HDAC1: variants seen among roughly 807,000 people sequenced by gnomAD.
HDAC1 encodes protein deacetylase HDAC1.
A neutral mutation model predicts 65.5 loss-of-function variants in HDAC1; 18 were observed. That is an observed-to-expected ratio of 0.27 (90% CI 0.19 to 0.41). The LOEUF is 0.41. HDAC1 is among the 10% of genes least tolerant of loss of function. The probability of loss-of-function intolerance (pLI) is 1.00; values close to 1 mark genes in which losing one functional copy is unlikely to be tolerated. For synonymous variants in HDAC1, 211 were observed against 227.9 expected (o/e 0.93, Z 0.67); for missense variants, 373 against 625.2 (o/e 0.60, Z 4.30).
chr1:32,333,097 A>C lies in HDAC1; in HGVS notation c.*53A>C. On this transcript the variant is annotated 3_prime_UTR_variant, in exon 14 of 14. Coordinates refer to ENST00000373548, the MANE Select transcript of HDAC1 (RefSeq NM_004964.3). ...CTGAGTCCCTCACGTTTCTTCCCCA[A>C]CCCCTCAGATTTTATATTTTCTATT... is the stretch of plus-strand genomic sequence containing the variant. The C allele has an allele frequency of 7.1e-7, 1 of 1,404,616 alleles. No individual in the cohort carries two copies. The highest frequency in any genetic ancestry group is 1.0e-6 in the Non-Finnish European group (1 of 996,654). The allele number at this position is 1,404,616 out of a possible 1,614,324, so 87.0% of individuals were successfully genotyped here. A position where few individuals can be genotyped will look rare whatever the true frequency, so the allele number is the denominator to read the frequency against.
intron 6 of HDAC1, among the ~76,000 whole-genome samples, chr1:32,328,528 C>T (rs1473202936): frequency 6.6e-6 from 1 of 152,132 alleles, no homozygotes; most frequent in Non-Finnish European, 1.5e-5. Flanking sequence ...GCCATGTTGG[C>T]CAGGCTGGTC....
chr1:32,330,964 T>C lies in HDAC1; in HGVS notation c.979+56T>C. The stretch of plus-strand genomic sequence containing the variant: ...CTGGGTGGGAGCTGGAGCTCATCTG[T>C]CCTTAAGTTTATAACCCCTTCCCCG... On this transcript the variant is annotated intron_variant, in intron 9 of 13. Coordinates refer to ENST00000373548, the MANE Select transcript of HDAC1 (RefSeq NM_004964.3). The surrounding 1 kb of genome is among the most constrained non-coding windows in gnomAD (Gnocchi z 4.2). 1.9e-6 allele frequency: 3 copies of C among 1,581,320 alleles called. No homozygotes were observed. In the South Asian group the frequency reaches 3.3e-5, roughly 18 times the overall value.
At chr1:32,313,888 G>T (rs1242141881) in intron 2 of HDAC1, among the ~76,000 whole-genome samples, 1 of 152,188 alleles carries the variant, frequency 6.6e-6, no homozygotes, top group Non-Finnish European at 1.5e-5. Context: ...CCTGTCCAAG[G>T]TTGGTTCCTT....
chr1:32,308,404 A>G (rs1057259189), intron 2 of HDAC1, among the ~76,000 whole-genome samples: 14 of 152,166 alleles, frequency 9.2e-5, no homozygotes, highest in Admixed American at 6.6e-4. Flanking sequence ...TGATACCAAT[A>G]TGGAAGATGG....
At chr1:32,319,594 T>C (rs1042442143) in intron 3 of HDAC1, among the ~76,000 whole-genome samples, 1 of 152,142 alleles carries the variant, frequency 6.6e-6, no homozygotes. Flanking sequence ...TTTTAGAATA[T>C]GTACCAATAT....
intron 3 of HDAC1, among the ~76,000 whole-genome samples, chr1:32,318,708 A>G (rs1001524412): frequency 5.9e-5 from 9 of 152,166 alleles, no homozygotes; most frequent in African/African-American, 1.4e-4. Flanking sequence ...ATGACTTACT[A>G]TTTTTATTAT....
At chr1:32,328,342 C>CT (rs1641246771) in intron 6 of HDAC1, among the ~76,000 whole-genome samples, 1 of 150,442 alleles carries the variant, frequency 6.6e-6, no homozygotes, top group East Asian at 1.9e-4. Context: ...GAGACAGTCT[C>CT]TCTCTGTCAC....
chr1:32,304,246 G>A (rs1640884036), intron 2 of HDAC1, among the ~76,000 whole-genome samples: 1 of 152,182 alleles, frequency 6.6e-6, no homozygotes, highest in Admixed American at 6.5e-5. Flanking sequence ...TTCCTAGATG[G>A]CCTTGTCATG....
At chr1:32,297,770 C>T (rs1157700726) in intron 1 of HDAC1, among the ~76,000 whole-genome samples, 5 of 143,548 alleles carry the variant, frequency 3.5e-5, no homozygotes, top group Admixed American at 7.0e-5. Context: ...GACACTACGC[C>T]TGGCTAATTT....
At chr1:32,312,437 T>C (rs182867577) in intron 2 of HDAC1, among the ~76,000 whole-genome samples, 72 of 152,234 alleles carry the variant, frequency 4.7e-4, no homozygotes, top group Admixed American at 2.6e-3. Context: ...CTAAGCTCAC[T>C]GCAACCTCTG....
intron 2 of HDAC1, among the ~76,000 whole-genome samples, chr1:32,312,563 G>A (rs938316554): frequency 1.3e-5 from 2 of 152,100 alleles, no homozygotes; most frequent in Non-Finnish European, 2.9e-5. Flanking sequence ...GTTTTACCAT[G>A]TTAGCCAGAC....
rs1641048651 is a variant in HDAC1, at chr1:32,315,544, GA to G, written c.163-1120del. The stretch of plus-strand genomic sequence containing the variant: ...ATTTTTGTATTTTTAGTAGAGACCA[GA>G]TTTCATCATATTGGTCAGGATGGTC... On this transcript the variant is annotated intron_variant, in intron 2 of 13. Transcript: ENST00000373548. 5.9e-5 allele frequency among the ~76,000 whole-genome samples: 9 copies of G among 151,264 alleles called. No homozygotes were observed. In the South Asian group the frequency reaches 1.9e-3, roughly 32 times the overall value.
At chr1:32,318,053 G>A (rs1050601870) in intron 3 of HDAC1, among the ~76,000 whole-genome samples, 12 of 152,090 alleles carry the variant, frequency 7.9e-5, no homozygotes, top group Non-Finnish European at 1.2e-4. Context: ...TCCGTCTCCC[G>A]GCTTCAAGCG....
chr1:32,309,416 G>A (rs900484603), intron 2 of HDAC1, among the ~76,000 whole-genome samples: 21 of 152,044 alleles, frequency 1.4e-4, no homozygotes, highest in African/African-American at 3.4e-4. Context: ...GCTGGGTGCC[G>A]TGGCTCACGC....
chr1:32,309,572 G>A (rs1013445331), intron 2 of HDAC1, among the ~76,000 whole-genome samples: 1 of 151,006 alleles, frequency 6.6e-6, no homozygotes, highest in South Asian at 2.1e-4. Context: ...CTGTAATCCC[G>A]ACTACTCAGG....
At position 32,333,018 on chromosome 1, in the gene HDAC1, G is replaced by A; in HGVS notation, c.1423G>A (p.Val475Ile). Residue 475 changes from valine (V) to isoleucine (I), a missense_variant and splice_region_variant, in exon 14 of 14, where the codon GTC becomes ATC. Val to Ile is a conservative substitution (Grantham distance 29, BLOSUM62 3). Coordinates refer to ENST00000373548, the MANE Select transcript of HDAC1 (RefSeq NM_004964.3). Reference sequence around the variant, plus strand: ...TGCCAGTCTCTGCTCTCTCCACAGGGTCAAGGAGGAGGTCAAGTTGGCCTG... The same window carrying A: ...TGCCAGTCTCTGCTCTCTCCACAGGATCAAGGAGGAGGTCAAGTTGGCCTG... Reference protein sequence around the residue: ...TKEEKPEAKGVKEEVKLA With the variant: ...TKEEKPEAKGIKEEVKLA 6.2e-7 allele frequency: 1 copy of A among 1,613,744 alleles called. No homozygotes were observed. Among genetic ancestry groups the A allele is most frequent in the Non-Finnish European group, 8.5e-7 (1 of 1,179,846 alleles).
At chr1:32,309,484 C>G (rs996875946) in intron 2 of HDAC1, among the ~76,000 whole-genome samples, 2 of 151,988 alleles carry the variant, frequency 1.3e-5, no homozygotes, top group East Asian at 3.9e-4. Flanking sequence ...ATCAGGAGTT[C>G]AAGACAAACC....
chr1:32,332,876 T>C, intron 13 of HDAC1, 127 bp downstream of exon 13: 1 of 1,156,008 alleles, frequency 8.7e-7, no homozygotes, highest in Non-Finnish European at 1.3e-6. Flanking sequence ...GGGACCAGTC[T>C]GTCCAGCTCT....
chr1:32,299,177 A>T (rs1161565850), intron 1 of HDAC1, among the ~76,000 whole-genome samples: 1 of 152,154 alleles, frequency 6.6e-6, no homozygotes. Context: ...TGGAATTCTA[A>T]GGAAGTGGAC....
Sources: gnomAD v4.1 joint callset for allele counts (sites outside exome capture counted in the v4.1 genomes callset) on GRCh38, gnomAD v4.1.1 for gene constraint, Gnocchi (gnomAD v3.1) non-coding constraint, MANE v1.5 for transcripts, NCBI Gene and HGNC (gene_info 2026-07-23, HGNC 2026-07-21) for gene names.